LILRB5: variants seen among roughly 807,000 people sequenced by gnomAD.
The protein encoded by LILRB5 is leukocyte immunoglobulin like receptor B5.
A neutral mutation model predicts 68.4 loss-of-function variants in LILRB5; 61 were observed. The observed-to-expected ratio is 0.89, with a 90% CI of 0.73 to 1.10. LILRB5 has a LOEUF of 1.10. Ranked by LOEUF, LILRB5 falls within the 50% of genes least tolerant of loss-of-function variation. The pLI, the probability that LILRB5 is intolerant of heterozygous loss-of-function variation, is 0.00. For missense variants in LILRB5, 771 were observed against 751.6 expected, an observed-to-expected ratio of 1.03 and a Z score of -0.30; for synonymous variants, 356 against 315.8, an observed-to-expected ratio of 1.13 and a Z score of -1.35.
chr19:54,254,136 C>A (rs1037723754), intron 7 of LILRB5, 68 bp from the exon 8 acceptor site: 1 of 1,549,808 alleles, frequency 6.5e-7, no homozygotes, highest in Admixed American at 2.1e-5. Flanking sequence ...CTGCTCCTCC[C>A]CCAGGCTGGG....
chr19:54,253,601 G>T, intron 8 of LILRB5: 1 of 485,366 alleles, frequency 2.1e-6, no homozygotes, highest in Non-Finnish European at 3.8e-6. Context: ...GAGCTGGATG[G>T]GACTGAGCCA....
In LILRB5 at chr19:54,254,310, G is replaced by A. The variant is rs2079049729; in HGVS notation, c.1306+55C>T. 7 of 1,535,568 alleles carry A rather than the reference G, an allele frequency of 4.6e-6. No individual in the cohort carries two copies. In the East Asian group the frequency reaches 1.7e-4, roughly 37 times the overall value. On this transcript the variant is annotated intron_variant, in intron 7 of 12. Coordinates refer to ENST00000449561, the MANE Select transcript of LILRB5 (RefSeq NM_001081442.3). ...GAATAGGATCCTCGGGGAGACTCAG[G>A]GCTGCCTGGGGGGAGACCACGCTCC...
chr19:54,252,675 G>C (rs753944354), intron 9 of LILRB5, 126 bp from the exon 10 acceptor site: 11 of 1,144,576 alleles, frequency 9.6e-6, no homozygotes, highest in Non-Finnish European at 1.4e-5. Context: ...TACGTCGTAA[G>C]TTTAAAGTAA....
chr19:54,252,285 C>A, intron 11 of LILRB5, 81 bp downstream of exon 11: 1 of 1,519,554 alleles, frequency 6.6e-7, no homozygotes, highest in Non-Finnish European at 9.1e-7. Context: ...CCCCCCCCAG[C>A]CTGTGCTCCT....
intron 5 of LILRB5, 86 bp downstream of exon 5, chr19:54,255,200 C>A: frequency 6.5e-7 from 1 of 1,547,414 alleles, no homozygotes; most frequent in Non-Finnish European, 8.7e-7. Flanking sequence ...CACCCCCCCG[C>A]CTCATCCCGG....
chr19:54,257,043 A>C, intron 1 of LILRB5, 47 bp from the exon 2 acceptor site: 1 of 1,614,172 alleles, frequency 6.2e-7, no homozygotes, highest in Non-Finnish European at 8.5e-7. Flanking sequence ...AAGCCCCAGC[A>C]GTTCCTCTCC....
rs774662619 is a variant in LILRB5 at position 54,255,445 on chromosome 19, G to A, written c.793C>T (p.Gln265Ter). 9 of 1,614,144 alleles carry A rather than the reference G, an allele frequency of 5.6e-6. No homozygotes were observed. Among genetic ancestry groups the A allele is most frequent in the Middle Eastern group, 1.6e-4 (1 of 6,062 alleles). ...LYKEGEHDLV[Q>*]GSGQQPQAGL... is the part of the protein sequence containing the mutation. The stretch of plus-strand genomic sequence containing the variant: ...GCCTGGGGCTGCTGGCCAGAGCCCT[G>A]GACGAGGTCATGTTCCCCCTCCTTG... Residue 265 changes from glutamine to a stop codon, truncating the protein, a stop_gained, in exon 5 of 13, where the codon CAG becomes TAG. Transcript: ENST00000449561. LOFTEE classifies it high-confidence loss of function.
intron 5 of LILRB5, 22 bp downstream of exon 5, chr19:54,255,264 C>A: frequency 6.2e-7 from 1 of 1,610,360 alleles, no homozygotes; most frequent in Non-Finnish European, 8.5e-7. Flanking sequence ...GGGTCCCTGA[C>A]TGAACCCGCT....
In LILRB5 at chr19:54,250,539, T is replaced by G; in HGVS notation, c.*247A>C. 1.9e-6 allele frequency: 1 copy of G among 527,460 alleles called. No individual in the cohort carries two copies. Among genetic ancestry groups the G allele is most frequent in the South Asian group, 3.2e-5 (1 of 31,208 alleles). 32.7% of individuals were successfully genotyped at this position (527,460 alleles called of 1,614,324 possible). ...TCCAAATTTATACCATGCTCTAATT[T>G]CTGTTTCAGTTTTCTCAGCTCATTG... On this transcript the variant is annotated 3_prime_UTR_variant, in exon 13 of 13. Transcript: ENST00000449561.
chr19:54,252,275 C>A, intron 11 of LILRB5, 91 bp downstream of exon 11: 7 of 1,457,642 alleles, frequency 4.8e-6, no homozygotes, highest in Middle Eastern at 2.0e-4. Context: ...TGGCCCCAGA[C>A]CCCCCCCAGC....
rs776318107 is a variant in LILRB5, at chr19:54,255,529, C to A, written c.709G>T (p.Gly237Ter). Reference protein sequence around the residue: ...LIPQGSVVARGGSLTLQCRSD... With the variant: ...LIPQGSVVAR ...CGACACTGCAGGGTCAGGCTGCCTC[C>A]GCGGGCCACGACAGAGCCCTGCGGG... Residue 237 changes from glycine to a stop codon, truncating the protein, a stop_gained, in exon 5 of 13, where the codon GGA becomes TGA. Coordinates refer to ENST00000449561, the MANE Select transcript of LILRB5 (RefSeq NM_001081442.3). LOFTEE classifies it high-confidence loss of function. The A allele has an allele frequency of 1.9e-6, 3 of 1,613,838 alleles. No individual in the cohort carries two copies. Among genetic ancestry groups the A allele is most frequent in the East Asian group, 2.2e-5 (1 of 44,882 alleles).
chr19:54,252,035 G>C lies in LILRB5; in HGVS notation c.1629+19C>G, dbSNP rs1569046485. ...GCACCAGGAGGCCTTTGGTGCCCGG[G>C]ACAGGGGCGGGGCCTCACCGGAGCA... is the stretch of plus-strand genomic sequence containing the variant. On this transcript the variant is annotated intron_variant, in intron 12 of 12. Coordinates refer to ENST00000449561, the MANE Select transcript of LILRB5 (RefSeq NM_001081442.3). 5 of 1,612,626 alleles carry C rather than the reference G, an allele frequency of 3.1e-6. No individual in the cohort carries two copies. The highest frequency in any genetic ancestry group is 4.2e-6 in the Non-Finnish European group (5 of 1,179,238).
chr19:54,256,852 C>T lies in LILRB5; in HGVS notation c.71-79G>A, dbSNP rs558993592. 2.6e-5 allele frequency: 41 copies of T among 1,607,294 alleles called. No homozygotes were observed. The Admixed American group carries it at 4.0e-4, about 16-fold the overall frequency. ...GCTCTCAGCCCCAGGACCCTCCAGACGTCCCCATCAGTCAGCCCAGAACAG... is the reference window on the plus strand; with the variant it reads ...GCTCTCAGCCCCAGGACCCTCCAGATGTCCCCATCAGTCAGCCCAGAACAG... On this transcript the variant is annotated intron_variant, in intron 2 of 12. Coordinates refer to ENST00000449561, the MANE Select transcript of LILRB5 (RefSeq NM_001081442.3).
intron 8 of LILRB5, 129 bp downstream of exon 8, chr19:54,253,889 G>A (rs2079034756): frequency 6.5e-7 from 1 of 1,532,814 alleles, no homozygotes; most frequent in Non-Finnish European, 8.8e-7. Context: ...TACACTTGGA[G>A]AAACTGAGGC....
chr19:54,254,932 A>G lies in LILRB5; in HGVS notation c.1058T>C (p.Phe353Ser), dbSNP rs370491200. ...LCQSWHQIDTFFLTKEGAAHP... is the reference protein window; with the variant it reads ...LCQSWHQIDTSFLTKEGAAHP... ...GGCTGCCCCCTCCTTGGTCAAAAAG[A>G]AAGTGTCTATCTGATGCCATGACTG... The change falls in exon 6 of 13, where the codon TTC becomes TCC. Residue 353 changes from phenylalanine to serine, a missense_variant. Phe to Ser is a radical substitution (Grantham distance 155). Coordinates refer to ENST00000449561, the MANE Select transcript of LILRB5 (RefSeq NM_001081442.3). 9 of 1,613,912 alleles carry G rather than the reference A, an allele frequency of 5.6e-6. No homozygotes were observed. The highest frequency in any genetic ancestry group is 5.1e-6 in the Non-Finnish European group (6 of 1,179,972).
chr19:54,252,787 C>G, intron 9 of LILRB5, 84 bp downstream of exon 9: 1 of 1,334,110 alleles, frequency 7.5e-7, no homozygotes, highest in Non-Finnish European at 1.0e-6. Flanking sequence ...TCTAAGCTGA[C>G]TTTCCTTTGT....
chr19:54,252,784 T>A (rs1402668376), intron 9 of LILRB5, 87 bp downstream of exon 9: 2 of 1,315,600 alleles, frequency 1.5e-6, no homozygotes, highest in Non-Finnish European at 2.1e-6. Context: ...TTTTCTAAGC[T>A]GACTTTCCTT....
intron 4 of LILRB5, 110 bp downstream of exon 4, chr19:54,255,933 T>C: frequency 1.1e-6 from 1 of 920,220 alleles, no homozygotes; most frequent in Non-Finnish European, 1.6e-6. Flanking sequence ...CTTCAGCCCA[T>C]CCATCAACAC....
chr19:54,253,869 C>T (rs2147629786), intron 8 of LILRB5, 149 bp downstream of exon 8: 2 of 1,516,294 alleles, frequency 1.3e-6, no homozygotes, highest in East Asian at 4.9e-5. Context: ...CAATGCAGGC[C>T]TCTCTCCTTT....
Sources: gnomAD v4.1 joint callset for allele counts on GRCh38, gnomAD v4.1.1 for gene constraint, MANE v1.5 for transcripts, NCBI Gene and HGNC (gene_info 2026-07-23, HGNC 2026-07-21) for gene names.